Variants in MYT1L observed in about 807,000 individuals in gnomAD.
MYT1L encodes the protein myelin transcription factor 1-like protein.
In MYT1L, 12 loss-of-function variants were observed where a neutral mutation model predicts 126.7. The observed-to-expected ratio is 0.09, with a 90% CI of 0.06 to 0.15. MYT1L has a LOEUF of 0.15. MYT1L is among the 10% of genes least tolerant of loss of function. The pLI is 1.00. For missense variants in MYT1L, 979 were observed against 1,585.2 expected (o/e 0.62, Z 6.49); for synonymous variants, 541 against 604.2 (o/e 0.90, Z 1.53).
intron 4 of MYT1L, among the ~76,000 whole-genome samples, chr2:2,031,839 C>T (rs1174321161): frequency 5.1e-5 from 7 of 137,538 alleles, no homozygotes; most frequent in East Asian, 4.7e-4. Flanking sequence ...CTTACACACA[C>T]CCCTCGCCAG....
chr2:2,200,318 G>C (rs150520170), intron 2 of MYT1L, among the ~76,000 whole-genome samples: 3 of 152,260 alleles, frequency 2.0e-5, no homozygotes, highest in East Asian at 3.9e-4. Context: ...CTAGGTTGGA[G>C]GGCAAAAATA....
At chr2:2,003,385 C>T (rs539253028) in intron 4 of MYT1L, among the ~76,000 whole-genome samples, 2 of 152,182 alleles carry the variant, frequency 1.3e-5, no homozygotes, top group Non-Finnish European at 2.9e-5. Flanking sequence ...ATAGTAACAA[C>T]CCAGGCCCCC....
intron 3 of MYT1L, among the ~76,000 whole-genome samples, chr2:2,120,796 G>C (rs1420288496): frequency 6.6e-6 from 1 of 151,968 alleles, no homozygotes; most frequent in Non-Finnish European, 1.5e-5. Context: ...TTGCACACAC[G>C]TGTGTGTGTA....
At chr2:2,204,524 C>T (rs2093230113) in intron 2 of MYT1L, among the ~76,000 whole-genome samples, 1 of 143,776 alleles carries the variant, frequency 7.0e-6, no homozygotes, top group South Asian at 2.1e-4. Flanking sequence ...CTCACCATCA[C>T]TGGCCATCAG....
intron 4 of MYT1L, among the ~76,000 whole-genome samples, chr2:2,013,364 A>G (rs1408039676): frequency 6.6e-6 from 1 of 152,098 alleles, no homozygotes; most frequent in Non-Finnish European, 1.5e-5. Context: ...CCCATCAGCA[A>G]TGGTGTCTGT....
chr2:1,826,700 C>T (rs982982709), intron 21 of MYT1L, among the ~76,000 whole-genome samples: 5 of 152,256 alleles, frequency 3.3e-5, no homozygotes, highest in Admixed American at 1.3e-4. Flanking sequence ...TCGGGGAAAG[C>T]GGAGGGCTCC....
intron 4 of MYT1L, among the ~76,000 whole-genome samples, chr2:2,010,881 G>A (rs2063758377): frequency 6.6e-6 from 1 of 152,172 alleles, no homozygotes; most frequent in Non-Finnish European, 1.5e-5. Flanking sequence ...ACTGTCAACA[G>A]ACTCTTCACA....
intron 2 of MYT1L, among the ~76,000 whole-genome samples, chr2:2,184,486 T>C (rs1183535778): frequency 6.6e-6 from 1 of 152,198 alleles, no homozygotes; most frequent in Non-Finnish European, 1.5e-5. Context: ...GTTAAAATGA[T>C]GAGTTTAATG....
chr2:1,882,171 G>A (rs1003466957), intron 18 of MYT1L, among the ~76,000 whole-genome samples: 2 of 152,098 alleles, frequency 1.3e-5, no homozygotes, highest in South Asian at 2.1e-4. Flanking sequence ...CAGCACAAGC[G>A]GGTACCACCA....
chr2:1,859,343 TAAC>T (rs2044288537), intron 18 of MYT1L, among the ~76,000 whole-genome samples: 1 of 152,140 alleles, frequency 6.6e-6, no homozygotes. Context: ...CACTAGAAAA[TAAC>T]AAAAAATACA....
chr2:2,125,166 G>A (rs1199067061), intron 3 of MYT1L, among the ~76,000 whole-genome samples: 1 of 151,958 alleles, frequency 6.6e-6, no homozygotes, highest in African/African-American at 2.4e-5. Flanking sequence ...ACTACCCAGG[G>A]GCAGTTCGAC....
intron 3 of MYT1L, among the ~76,000 whole-genome samples, chr2:2,070,373 T>G (rs748526665): frequency 1.3e-5 from 2 of 152,214 alleles, no homozygotes; most frequent in Non-Finnish European, 2.9e-5. Flanking sequence ...GGAGGCTCTG[T>G]GCTGTGGGGT....
chr2:1,916,288 G>A (rs140299575), intron 11 of MYT1L, among the ~76,000 whole-genome samples: 185 of 152,244 alleles, frequency 1.2e-3, no homozygotes, highest in African/African-American at 4.3e-3. Context: ...ATTTTAATGG[G>A]ACAGTCCTCA....
intron 19 of MYT1L, among the ~76,000 whole-genome samples, chr2:1,850,263 T>C (rs2148515366): frequency 7.1e-6 from 1 of 140,480 alleles, no homozygotes; most frequent in East Asian, 2.3e-4. Flanking sequence ...CTGTCTTTTC[T>C]CTCTTTCTTT....
chr2:2,277,074 C>T (rs1241251740), intron 2 of MYT1L, among the ~76,000 whole-genome samples: 1 of 152,136 alleles, frequency 6.6e-6, no homozygotes, highest in Non-Finnish European at 1.5e-5. Context: ...CTCCACCTCC[C>T]TGGTTCACAC....
chr2:2,268,610 G>A (rs938973102), intron 2 of MYT1L, among the ~76,000 whole-genome samples: 1 of 152,020 alleles, frequency 6.6e-6, no homozygotes, highest in African/African-American at 2.4e-5. Context: ...AGAAATCAAT[G>A]GTAAGAAAGT....
chr2:1,835,849 G>T (rs1029449539), intron 21 of MYT1L, among the ~76,000 whole-genome samples: 13 of 152,154 alleles, frequency 8.5e-5, no homozygotes, highest in Admixed American at 8.5e-4. Context: ...CCATGGCAGG[G>T]CTCCAGCAGG....
chr2:1,989,116 C>T (rs925011446), intron 5 of MYT1L, among the ~76,000 whole-genome samples: 9 of 152,096 alleles, frequency 5.9e-5, no homozygotes, highest in African/African-American at 2.2e-4. Flanking sequence ...CGTTTAGTTG[C>T]ATTTACAAAA....
intron 18 of MYT1L, among the ~76,000 whole-genome samples, chr2:1,876,810 AGCTCTGCT>A (rs1343972654): frequency 6.6e-6 from 1 of 152,204 alleles, no homozygotes; most frequent in Non-Finnish European, 1.5e-5. Context: ...ATGCCTATGC[AGCTCTGCT>A]GCTCTAGAAC....
Sources: gnomAD v4.1 joint callset for allele counts (sites outside exome capture counted in the v4.1 genomes callset) on GRCh38, gnomAD v4.1.1 for gene constraint, MANE v1.5 for transcripts, NCBI Gene and HGNC (gene_info 2026-07-23, HGNC 2026-07-21) for gene names.